Variants in DOP1B observed in about 807,000 individuals in gnomAD.
DOP1B encodes the protein DOP1 leucine zipper like protein B.
Under a neutral mutation model 233.5 loss-of-function variants are expected in DOP1B, and 174 were observed. The observed-to-expected ratio is 0.75, with a 90% CI of 0.66 to 0.85. DOP1B has a LOEUF of 0.85. Among genes scored for constraint, DOP1B ranks in the 40% least tolerant of loss-of-function variants. The pLI, the probability that DOP1B is intolerant of heterozygous loss-of-function variation, is 0.00. For synonymous variants in DOP1B, 1,190 were observed against 1,185.6 expected, an observed-to-expected ratio of 1.00 and a Z score of -0.08; for missense variants, 2,652 against 2,846.6, an observed-to-expected ratio of 0.93 and a Z score of 1.56.
At chr21:36,199,303 T>G (rs1219142322) in intron 3 of DOP1B, 52 bp downstream of exon 3, 9 of 1,564,168 alleles carry the variant, frequency 5.8e-6, no homozygotes, top group Admixed American at 1.9e-5. Context: ...TAACCGGTAT[T>G]TCAGCTCACA....
At chr21:36,164,901 A>G in intron 2 of DOP1B, 30 bp downstream of exon 2, 3 of 1,470,266 alleles carry the variant, frequency 2.0e-6, no homozygotes, top group Non-Finnish European at 2.7e-6. Flanking sequence ...TTTGGATTGC[A>G]TGGAGGTGGG....
intron 2 of DOP1B, among the ~76,000 whole-genome samples, chr21:36,188,417 A>C (rs2835308): frequency 0.25 from 37,523 of 152,058 alleles, 4,966 homozygotes; most frequent in African/African-American, 0.33. Flanking sequence ...CAACCGGGTC[A>C]TGCCATTTCA....
At chr21:36,261,564 C>G in intron 24 of DOP1B, 1 of 985,370 alleles carries the variant, frequency 1.0e-6, no homozygotes, top group African/African-American at 1.7e-5. Flanking sequence ...GGACCTCATT[C>G]AGATCTTACA....
At position 36,223,301 on chromosome 21, in the gene DOP1B, A is replaced by G. The variant is rs780577213; in HGVS notation, c.1321A>G (p.Thr441Ala). 2 of 1,610,906 alleles carry G rather than the reference A, an allele frequency of 1.2e-6. No individual in the cohort carries two copies. The highest frequency in any genetic ancestry group is 3.4e-5 in the Admixed American group (2 of 58,960). The part of the protein sequence containing the change: ...TVNLLITSLS[T>A]DFLWDYMTRC... ...AAATTTGCTGATAACTTCTCTAAGC[A>G]CAGACTTTCTCTGGGATTATATGAC... The change falls in exon 11 of 37, where the codon ACA (threonine) becomes GCA (alanine). Residue 441 changes from threonine (T) to alanine (A), a missense_variant. Coordinates refer to ENST00000691173, the MANE Select transcript of DOP1B (RefSeq NM_001320714.2).
chr21:36,284,787 T>C (rs969037870), intron 32 of DOP1B, among the ~76,000 whole-genome samples: 1 of 151,458 alleles, frequency 6.6e-6, no homozygotes, highest in African/African-American at 2.4e-5. Context: ...GCACAGGCAA[T>C]ATAATAGAAT....
At chr21:36,208,592 A>C in intron 4 of DOP1B, 123 bp from the exon 5 acceptor site, 1 of 1,000,252 alleles carries the variant, frequency 1.0e-6, no homozygotes, top group African/African-American at 1.7e-5. Flanking sequence ...GCGATGAGGA[A>C]GGTGGGGCTT....
rs756868750 is a variant in DOP1B at position 36,247,622 on chromosome 21, CA to C, written c.4808del (p.Lys1603ArgfsTer11). On this transcript the variant is annotated frameshift_variant, in exon 20 of 37. Transcript: ENST00000691173. LOFTEE classifies it high-confidence loss of function. ...FCLLEQANQN[K>X]KTMAAGDPAN... ...GTCTTTTGGAACAAGCCAACCAAAA[CA>C]AAAAGGTAAATTTTTTTTTTTCCTG... 1.1e-5 allele frequency: 17 copies of C among 1,553,006 alleles called. No homozygotes were observed. Among genetic ancestry groups the C allele is most frequent in the Non-Finnish European group, 1.5e-5 (17 of 1,164,432 alleles).
At position 36,261,822 on chromosome 21, in the gene DOP1B, A is replaced by T. The variant is rs544976184; in HGVS notation, c.5315+1090A>T. On this transcript the variant is annotated intron_variant, in intron 24 of 36. Transcript: ENST00000691173. ...GCTACTCGGGAAGCTGAGGCAGGTG[A>T]ATCACTTGAACCCAGGAGGCAGAGG... The T allele has an allele frequency of 5.3e-5, 27 of 508,170 alleles. No homozygotes were observed. The South Asian group carries it at 2.2e-3, about 41-fold the overall frequency. The allele number at this position is 508,170 out of a possible 1,614,324, so 31.5% of individuals were successfully genotyped here.
At chr21:36,231,215 C>T in intron 14 of DOP1B, 81 bp downstream of exon 14, 1 of 1,470,832 alleles carries the variant, frequency 6.8e-7, no homozygotes, top group South Asian at 1.4e-5. Context: ...CCCCTATCCA[C>T]AATGCTAGGG....
intron 35 of DOP1B, among the ~76,000 whole-genome samples, chr21:36,290,494 C>G (rs1360051427): frequency 2.6e-5 from 4 of 151,924 alleles, no homozygotes; most frequent in African/African-American, 9.7e-5. Context: ...AAAACCCTGT[C>G]TCTACTAAAA....
chr21:36,169,707 C>A, intron 2 of DOP1B: 1 of 932,852 alleles, frequency 1.1e-6, no homozygotes. Flanking sequence ...AGGCGGGTGA[C>A]TTGGCAGTGC....
At chr21:36,219,299 T>C in intron 9 of DOP1B, 73 bp from the exon 10 acceptor site, 1 of 1,573,712 alleles carries the variant, frequency 6.4e-7, no homozygotes, top group Non-Finnish European at 8.7e-7. Context: ...ATGTCTTATG[T>C]ATATACATAT....
At chr21:36,170,929 C>T (rs1315982789) in intron 2 of DOP1B, among the ~76,000 whole-genome samples, 1 of 152,136 alleles carries the variant, frequency 6.6e-6, no homozygotes, top group Non-Finnish European at 1.5e-5. Context: ...AAGCAGCCAC[C>T]TTGAAGAATT....
chr21:36,289,086 A>G lies in DOP1B; in HGVS notation c.6395A>G (p.Asp2132Gly), dbSNP rs1418043185. ...KVNRTKVSVP[D>G]ANGPSVGEIP... ...AACAGAACGAAAGTTTCAGTCCCGGATGCAAATGGACCCTCAGTGGGGGAG... is the reference window on the plus strand; with the variant it reads ...AACAGAACGAAAGTTTCAGTCCCGGGTGCAAATGGACCCTCAGTGGGGGAG... The change falls in exon 35 of 37, where the codon GAT becomes GGT. Residue 2132 changes from aspartate to glycine, a missense_variant. Around this residue, in one of 3 missense-constraint regions of DOP1B, gnomAD observed 2,617 missense variants for 2,794.3 expected, o/e 0.94. Coordinates refer to ENST00000691173, the MANE Select transcript of DOP1B (RefSeq NM_001320714.2). 6.2e-7 allele frequency: 1 copy of G among 1,613,128 alleles called. No individual in the cohort carries two copies. The highest frequency in any genetic ancestry group is 8.5e-7 in the Non-Finnish European group (1 of 1,179,836).
intron 26 of DOP1B, 29 bp downstream of exon 26, chr21:36,263,843 T>C (rs773571959): frequency 2.5e-6 from 4 of 1,605,382 alleles, no homozygotes; most frequent in Admixed American, 3.3e-5. Context: ...TTCAGCCAAA[T>C]GATATTACCC....
intron 14 of DOP1B, among the ~76,000 whole-genome samples, chr21:36,232,111 T>C (rs1209618635): frequency 6.6e-6 from 1 of 152,182 alleles, no homozygotes; most frequent in Non-Finnish European, 1.5e-5. Context: ...CCCAAAGTGC[T>C]GGGGTTACAG....
Position 36,278,256 on chromosome 21 carries a change from C to T in DOP1B, c.5870C>T (p.Ser1957Phe), listed in dbSNP as rs1263848202. The change falls in exon 30 of 37, where the codon TCC becomes TTC. Residue 1957 changes from serine (S) to phenylalanine (F), a missense_variant. Ser to Phe is a radical substitution (Grantham distance 155, BLOSUM62 -2). Coordinates refer to ENST00000691173, the MANE Select transcript of DOP1B (RefSeq NM_001320714.2). ...CGGGCTGGCGCTCAGCTGCTGAGCT[C>T]CCTGAGTGGCTATGCCTACACAAAG... is the stretch of plus-strand genomic sequence containing the variant. ...SFRAGAQLLSSLSGYAYTKRA... is the reference protein window; with the variant it reads ...SFRAGAQLLSFLSGYAYTKRA... 6.2e-7 allele frequency: 1 copy of T among 1,614,034 alleles called. No individual in the cohort carries two copies. Among genetic ancestry groups the T allele is most frequent in the Admixed American group, 1.7e-5 (1 of 59,964 alleles).
At chr21:36,271,994 TG>T (rs1329991954) in intron 27 of DOP1B, among the ~76,000 whole-genome samples, 2 of 151,296 alleles carry the variant, frequency 1.3e-5, no homozygotes, top group African/African-American at 4.9e-5. Flanking sequence ...TCTTTGCTAC[TG>T]TCAGTGTCAT....
At chr21:36,274,879 C>T (rs1330282016) in intron 27 of DOP1B, among the ~76,000 whole-genome samples, 1 of 152,112 alleles carries the variant, frequency 6.6e-6, no homozygotes, top group African/African-American at 2.4e-5. Context: ...GAGTCTCGCT[C>T]TGTTGCCCAG....
Sources: allele counts gnomAD v4.1 joint callset (sites outside exome capture counted in the v4.1 genomes callset), GRCh38; gene constraint gnomAD v4.1.1; regional missense constraint gnomAD v4.1.1; transcripts MANE v1.5; gene names NCBI Gene and HGNC (gene_info 2026-07-23, HGNC 2026-07-21).